Variants in RABL2A observed in about 807,000 individuals in gnomAD.
RABL2A encodes the protein rab-like protein 2A.
Under a neutral mutation model 30.7 loss-of-function variants are expected in RABL2A, and 17 were observed. That is an observed-to-expected ratio of 0.55 (90% confidence interval 0.38 to 0.83). RABL2A has a LOEUF of 0.83. Among genes scored for constraint, RABL2A ranks in the 40% least tolerant of loss-of-function variants. The pLI is 0.00. For synonymous variants in RABL2A, 64 were observed against 101.8 expected (o/e 0.63, Z 2.24); for missense variants, 155 against 272.6 (o/e 0.57, Z 3.04).
chr2:113,636,114 A>C (rs1285498895), intron 5 of RABL2A, among the ~76,000 whole-genome samples: 1 of 151,606 alleles, frequency 6.6e-6, no homozygotes, highest in Non-Finnish European at 1.5e-5. Context: ...ATCTAAAAAA[A>C]ACCCACATTT....
At chr2:113,637,572 C>G in intron 5 of RABL2A, 3 of 1,208,068 alleles carry the variant, frequency 2.5e-6, no homozygotes, top group Non-Finnish European at 3.2e-6. Flanking sequence ...AGGAACTCGT[C>G]ACCTAATTCC....
intron 2 of RABL2A, among the ~76,000 whole-genome samples, chr2:113,631,496 G>A (rs1042664355): frequency 1.3e-5 from 2 of 152,168 alleles, no homozygotes; most frequent in African/African-American, 2.4e-5. Context: ...CCAGTGACCA[G>A]TGCCTACTCT....
At chr2:113,631,474 G>A (rs913114861) in intron 2 of RABL2A, among the ~76,000 whole-genome samples, 5 of 152,134 alleles carry the variant, frequency 3.3e-5, no homozygotes, top group African/African-American at 1.2e-4. Context: ...TGAGGGAGTT[G>A]TGCTTAGGCC....
At chr2:113,641,648 G>A (rs566457692) in intron 7 of RABL2A, 133 bp from the exon 8 acceptor site, 29 of 650,572 alleles carry the variant, frequency 4.5e-5, no homozygotes, top group East Asian at 2.2e-4. Flanking sequence ...TCAGGGTGAC[G>A]GGGAGAGGCA....
intron 2 of RABL2A, among the ~76,000 whole-genome samples, chr2:113,629,990 G>A (rs1679694932): frequency 6.6e-6 from 1 of 152,110 alleles, no homozygotes; most frequent in Non-Finnish European, 1.5e-5. Context: ...AATAGAAATG[G>A]CAGGCAGGTG....
intron 2 of RABL2A, among the ~76,000 whole-genome samples, chr2:113,632,411 T>G (rs1401379535): frequency 6.6e-6 from 1 of 152,212 alleles, no homozygotes; most frequent in East Asian, 1.9e-4. Context: ...TTCTCCTGTC[T>G]CAGCCTCCTG....
chr2:113,632,380 A>G (rs1217455515), intron 2 of RABL2A, among the ~76,000 whole-genome samples: 4 of 152,288 alleles, frequency 2.6e-5, no homozygotes, highest in South Asian at 4.1e-4. Context: ...GGTCCTCTCA[A>G]TAACCAATAG....
chr2:113,643,344 T>G lies in RABL2A; in HGVS notation c.*1215T>G. ...GTTTGCATTGTGTTTATTAATAGGG[T>G]TTTGTTTTTATTGTTTCCTTTTTTA... On this transcript the variant is annotated 3_prime_UTR_variant, in exon 9 of 9. Coordinates refer to ENST00000683472, the MANE Select transcript of RABL2A (RefSeq NM_001306158.2). 2.9e-6 allele frequency: 1 copy of G among 343,712 alleles called. No individual in the cohort carries two copies. Among genetic ancestry groups the G allele is most frequent in the Non-Finnish European group, 5.7e-6 (1 of 176,272 alleles). 21.3% of individuals were successfully genotyped at this position (343,712 alleles called of 1,614,324 possible).
At chr2:113,636,970 CAG>C (rs1466093047) in intron 5 of RABL2A, among the ~76,000 whole-genome samples, 3 of 149,352 alleles carry the variant, frequency 2.0e-5, no homozygotes, top group Non-Finnish European at 4.4e-5. Context: ...GCCTGGGCAA[CAG>C]AGCGAGACTC....
chr2:113,641,658 A>T (rs1345764700), intron 7 of RABL2A, 123 bp from the exon 8 acceptor site: 1 of 632,624 alleles, frequency 1.6e-6, no homozygotes, highest in East Asian at 2.8e-5. Context: ...GGGGAGAGGC[A>T]AATGGAGGGG....
At chr2:113,630,216 C>A (rs1244399809) in intron 2 of RABL2A, among the ~76,000 whole-genome samples, 1 of 152,242 alleles carries the variant, frequency 6.6e-6, no homozygotes, top group East Asian at 1.9e-4. Context: ...CATCCACTAG[C>A]AGTATCTCAG....
chr2:113,629,038 T>C (rs1270422242), intron 2 of RABL2A, among the ~76,000 whole-genome samples: 2 of 150,800 alleles, frequency 1.3e-5, no homozygotes, highest in African/African-American at 4.9e-5. Flanking sequence ...CAAAAGTGAC[T>C]ATGCCACCGT....
chr2:113,640,517 C>T lies in RABL2A; in HGVS notation c.298-377C>T, dbSNP rs2595121. Reference sequence around the variant, plus strand: ...CAGCCTCCCAAGTAGCTGAGATTACCGGCATGCGCCACCACGCCCAGCTAA... The same window carrying T: ...CAGCCTCCCAAGTAGCTGAGATTACTGGCATGCGCCACCACGCCCAGCTAA... On this transcript the variant is annotated intron_variant, in intron 5 of 8. Transcript: ENST00000683472. The T allele has an allele frequency of 5.4e-5, 16 of 298,556 alleles. No homozygotes were observed. The East Asian group carries it at 8.8e-4, about 16-fold the overall frequency. 18.5% of individuals were successfully genotyped at this position (298,556 alleles called of 1,614,324 possible).
Position 113,635,064 on chromosome 2 carries a change from G to T in RABL2A, c.231G>T (p.Thr77=), listed in dbSNP as rs537217921. 4 of 1,542,914 alleles carry T rather than the reference G, an allele frequency of 2.6e-6. No homozygotes were observed. In the South Asian group the frequency reaches 5.1e-5, roughly 20 times the overall value. ...TTCACATTGCAGACTTTTGGGACAC[G>T]GCAGGCCAGGAGCGGTTCCAGAGCA... is the stretch of plus-strand genomic sequence containing the variant. The part of the protein sequence containing the change: ...GKTILVDFWD[T]AGQERFQSMH... The change falls in exon 5 of 9, where the codon ACG becomes ACT. Residue 77 remains threonine, a synonymous_variant. Transcript: ENST00000683472.
intron 5 of RABL2A, chr2:113,637,630 T>G: frequency 4.1e-6 from 5 of 1,223,010 alleles, no homozygotes; most frequent in Non-Finnish European, 4.2e-6. Flanking sequence ...TCCAAAAGCT[T>G]TAACTCTGAT....
At chr2:113,637,665 G>A (rs1167654877) in intron 5 of RABL2A, 12 of 1,285,430 alleles carry the variant, frequency 9.3e-6, no homozygotes, top group South Asian at 7.7e-5. Context: ...TAAACAAGAG[G>A]ATAATGGGGC....
intron 3 of RABL2A, 117 bp from the exon 4 acceptor site, chr2:113,634,036 C>T: frequency 3.4e-6 from 5 of 1,450,672 alleles, no homozygotes; most frequent in Non-Finnish European, 4.7e-6. Flanking sequence ...TTTAAAATCT[C>T]AATAACTCCA....
intron 2 of RABL2A, among the ~76,000 whole-genome samples, chr2:113,630,688 C>T (rs1347044064): frequency 1.3e-5 from 2 of 150,624 alleles, no homozygotes; most frequent in Admixed American, 6.6e-5. Context: ...ACTCAGGGCT[C>T]TGTTGGTGGG....
intron 5 of RABL2A, among the ~76,000 whole-genome samples, chr2:113,636,984 GT>G (rs1034743687): frequency 1.4e-5 from 2 of 139,242 alleles, no homozygotes; most frequent in African/African-American, 6.1e-5. Context: ...GCGAGACTCT[GT>G]CTCAAAAAAA....
Sources: allele counts gnomAD v4.1 joint callset (sites outside exome capture counted in the v4.1 genomes callset), GRCh38; gene constraint gnomAD v4.1.1; transcripts MANE v1.5; gene names NCBI Gene and HGNC (gene_info 2026-07-23, HGNC 2026-07-21).